The following CLK4 variants were observed in gnomAD, a reference collection of about 807,000 sequenced individuals.
CLK4 encodes the protein dual specificity protein kinase CLK4.
In CLK4, 37 loss-of-function variants were observed where a neutral mutation model predicts 64.4. The ratio of observed to expected loss-of-function variants is 0.57; its 90% CI spans 0.44 to 0.76. The LOEUF (loss-of-function observed/expected upper bound fraction) is 0.76, where lower values mean the gene tolerates loss of function less well. Ranked by LOEUF, CLK4 falls within the 30% of genes least tolerant of loss-of-function variation. CLK4 has a pLI of 0.00. For missense variants in CLK4, 457 were observed against 605.1 expected (o/e 0.76, Z 2.57); for synonymous variants, 175 against 191.6 (o/e 0.91, Z 0.72).
chr5:178,618,483 T>C lies in CLK4; in HGVS notation c.384+73A>G, dbSNP rs1429771694. The stretch of plus-strand genomic sequence containing the variant: ...TTTTATATATATATATATAAAAAAT[T>C]AGAAACTTATCAGCTCGTTAAGAGT... On this transcript the variant is annotated intron_variant, in intron 3 of 12. Transcript: ENST00000316308. The C allele has an allele frequency of 1.2e-5, 8 of 655,954 alleles. No individual in the cohort carries two copies. In the East Asian group the frequency reaches 1.9e-4, roughly 16 times the overall value. 40.6% of individuals were successfully genotyped at this position (655,954 alleles called of 1,614,324 possible). A position where few individuals can be genotyped will look rare whatever the true frequency, so the allele number is the denominator to read the frequency against.
chr5:178,623,389 G>T lies in CLK4; in HGVS notation c.28C>A (p.Pro10Thr). MRHSKRTHC[P>T]DWDSRESWGH... The stretch of plus-strand genomic sequence containing the variant: ...CAGCTTTCTCTGCTATCCCAATCAG[G>T]ACAGTGAGTTCTTTTGGAATGCCGC... The change falls in exon 2 of 13, where the codon CCT (proline) becomes ACT (threonine). Residue 10 changes from proline to threonine, a missense_variant. Transcript: ENST00000316308. 1 of 1,612,520 alleles carries T rather than the reference G, an allele frequency of 6.2e-7. No homozygotes were observed. The highest frequency in any genetic ancestry group is 8.5e-7 in the Non-Finnish European group (1 of 1,179,572).
intron 9 of CLK4, among the ~76,000 whole-genome samples, chr5:178,608,868 T>G (rs1256803680): frequency 1.3e-5 from 2 of 152,238 alleles, no homozygotes; most frequent in East Asian, 1.9e-4. Flanking sequence ...ATAATTATCC[T>G]CAGAATGAAA....
chr5:178,619,682 A>G, intron 2 of CLK4: 1 of 797,086 alleles, frequency 1.3e-6, no homozygotes. Context: ...AAAGCCATGG[A>G]CTCTCTTTCC....
chr5:178,612,919 T>A (rs1764577094), intron 7 of CLK4, 29 bp from the exon 8 acceptor site: 2 of 1,174,090 alleles, frequency 1.7e-6, no homozygotes, highest in Non-Finnish European at 2.5e-6. Flanking sequence ...ACATTATTAG[T>A]TTCACTTACA....
chr5:178,604,036 T>C (rs1204095172), intron 11 of CLK4, 102 bp from the exon 12 acceptor site: 2 of 761,136 alleles, frequency 2.6e-6, no homozygotes, highest in East Asian at 5.3e-5. Context: ...TCTCTAAGTG[T>C]ATAGACTTAT....
intron 1 of CLK4, among the ~76,000 whole-genome samples, chr5:178,625,765 T>C (rs920550344): frequency 2.6e-5 from 4 of 151,998 alleles, no homozygotes; most frequent in Admixed American, 2.0e-4. Context: ...GTTGTGAGAG[T>C]CCAAAATTCT....
rs994915886 is a variant in CLK4 at position 178,603,837 on chromosome 5, CT to C, written c.1305+6del. On this transcript the variant is annotated splice_donor_region_variant and intron_variant, in intron 12 of 12. Coordinates refer to ENST00000316308, the MANE Select transcript of CLK4 (RefSeq NM_020666.3). ...GTTTATTTAACCTTTAATCTTTTTT[CT>C]TTTACCTTCAACGGTTTGCAGCGTC... 1.9e-6 allele frequency: 3 copies of C among 1,596,672 alleles called. No homozygotes were observed. Among genetic ancestry groups the C allele is most frequent in the Non-Finnish European group, 2.6e-6 (3 of 1,175,198 alleles).
intron 9 of CLK4, among the ~76,000 whole-genome samples, chr5:178,611,786 T>A (rs1764561626): frequency 6.6e-6 from 1 of 152,224 alleles, no homozygotes; most frequent in Admixed American, 6.5e-5. Flanking sequence ...CATTCAACTC[T>A]CTTGATATGC....
Position 178,623,247 on chromosome 5 carries a change from T to C in CLK4, c.161+9A>G. ...AGCTAAAATGCTAGTAGTTCAAGAG[T>C]TAATTTACCAATCAGATTCTTTAAA... On this transcript the variant is annotated intron_variant, in intron 2 of 12. Transcript: ENST00000316308. 6.2e-7 allele frequency: 1 copy of C among 1,612,316 alleles called. No individual in the cohort carries two copies. The highest frequency in any genetic ancestry group is 8.5e-7 in the Non-Finnish European group (1 of 1,178,748).
At chr5:178,612,668 G>A (rs1045464835) in intron 8 of CLK4, 123 bp from the exon 9 acceptor site, 3 of 1,172,012 alleles carry the variant, frequency 2.6e-6, no homozygotes, top group Admixed American at 2.2e-5. Flanking sequence ...AGGCAAAGAA[G>A]GATTACTTCT....
chr5:178,619,818 T>A, intron 2 of CLK4: 1 of 1,289,206 alleles, frequency 7.8e-7, no homozygotes, highest in Non-Finnish European at 1.0e-6. Flanking sequence ...ATTGGCCCAG[T>A]TTCCCGTCCC....
intron 9 of CLK4, among the ~76,000 whole-genome samples, chr5:178,611,790 G>A (rs1488447029): frequency 1.2e-4 from 19 of 152,172 alleles, no homozygotes; most frequent in Admixed American, 1.2e-3. Flanking sequence ...CAACTCTCTT[G>A]ATATGCCTGA....
intron 9 of CLK4, among the ~76,000 whole-genome samples, chr5:178,611,033 A>G (rs1030439618): frequency 6.6e-6 from 1 of 150,590 alleles, no homozygotes; most frequent in Non-Finnish European, 1.5e-5. Context: ...AGATGGTACC[A>G]CTGCACTCCA....
chr5:178,606,583 C>A (rs1403422580), intron 10 of CLK4, among the ~76,000 whole-genome samples: 1 of 152,136 alleles, frequency 6.6e-6, no homozygotes, highest in Non-Finnish European at 1.5e-5. Context: ...AGCCCCTCTT[C>A]CCCAAACAAA....
At chr5:178,626,782 A>T (rs1458077643) in intron 1 of CLK4, among the ~76,000 whole-genome samples, 164 bp downstream of exon 1, 2 of 152,212 alleles carry the variant, frequency 1.3e-5, no homozygotes, top group Non-Finnish European at 2.9e-5. Flanking sequence ...ACGCCCGAGC[A>T]ACTTTCGGTG....
chr5:178,609,476 T>A (rs1459233853), intron 9 of CLK4, among the ~76,000 whole-genome samples: 10 of 151,912 alleles, frequency 6.6e-5, no homozygotes, highest in Non-Finnish European at 2.9e-5. Context: ...AGGTTGGCAG[T>A]TCGAGACCAG....
chr5:178,619,174 T>A (rs1261233544), intron 2 of CLK4, among the ~76,000 whole-genome samples: 1 of 152,194 alleles, frequency 6.6e-6, no homozygotes, highest in Non-Finnish European at 1.5e-5. Context: ...ATTTTAGATA[T>A]CCCTGGCACA....
At position 178,603,609 on chromosome 5, in the gene CLK4, T is replaced by A; in HGVS notation, c.*8A>T. On this transcript the variant is annotated 3_prime_UTR_variant, in exon 13 of 13. Coordinates refer to ENST00000316308, the MANE Select transcript of CLK4 (RefSeq NM_020666.3). ...GAGAAGTATATAGTAAGACCACTGATTCCCATTTCATTTCTTTTTTAATAA... is the reference window on the plus strand; with the variant it reads ...GAGAAGTATATAGTAAGACCACTGAATCCCATTTCATTTCTTTTTTAATAA... 1.3e-6 allele frequency: 2 copies of A among 1,552,496 alleles called. No homozygotes were observed. Among genetic ancestry groups the A allele is most frequent in the Non-Finnish European group, 1.7e-6 (2 of 1,155,534 alleles).
intron 2 of CLK4, chr5:178,620,671 G>C (rs1435234735): frequency 7.2e-6 from 3 of 417,652 alleles, no homozygotes; most frequent in Admixed American, 5.7e-5. Flanking sequence ...ATCCACACAG[G>C]TCCTGTGGGA....
Sources: gnomAD v4.1 joint callset for allele counts (sites outside exome capture counted in the v4.1 genomes callset) on GRCh38, gnomAD v4.1.1 for gene constraint, MANE v1.5 for transcripts, NCBI Gene and HGNC (gene_info 2026-07-23, HGNC 2026-07-21) for gene names.